The following ARHGEF18 variants were observed in gnomAD, a reference collection of about 807,000 sequenced individuals.
The protein encoded by ARHGEF18 is Rho/Rac guanine nucleotide exchange factor 18.
Under a neutral mutation model 155.7 loss-of-function variants are expected in ARHGEF18, and 93 were observed. That is an observed-to-expected ratio of 0.60 (90% CI 0.50 to 0.71). The LOEUF (loss-of-function observed/expected upper bound fraction) is 0.71. Among genes scored for constraint, ARHGEF18 ranks in the 30% least tolerant of loss-of-function variants. ARHGEF18 has a pLI of 0.00. For synonymous variants in ARHGEF18, 742 were observed against 753.1 expected, an observed-to-expected ratio of 0.99 and a Z score of 0.24; for missense variants, 1,593 against 1,816.1, an observed-to-expected ratio of 0.88 and a Z score of 2.23.
intron 10 of ARHGEF18, among the ~76,000 whole-genome samples, chr19:7,423,621 A>G (rs1973484574): frequency 6.6e-6 from 1 of 151,554 alleles, no homozygotes; most frequent in South Asian, 2.1e-4. Flanking sequence ...GAATCACTTG[A>G]ACCAACCCAG....
intron 10 of ARHGEF18, among the ~76,000 whole-genome samples, chr19:7,432,514 C>T (rs1230206964): frequency 2.6e-5 from 4 of 152,162 alleles, no homozygotes; most frequent in Non-Finnish European, 4.4e-5. Flanking sequence ...CTCACTACGT[C>T]GCCCAGGCTG....
chr19:7,391,502 A>G (rs1307033162), intron 10 of ARHGEF18, among the ~76,000 whole-genome samples: 6 of 151,440 alleles, frequency 4.0e-5, no homozygotes, highest in African/African-American at 1.5e-4. Flanking sequence ...GGTTCTCCGG[A>G]CTCCACGGCC....
At chr19:7,473,436 G>A, downstream of ARHGEF18, 1 of 383,284 alleles carries the variant, frequency 2.6e-6, no homozygotes, top group Non-Finnish European at 5.2e-6. Context: ...GGCGGGGGCT[G>A]AGGCAGGAGG....
At position 7,469,974 on chromosome 19, in the gene ARHGEF18, C is replaced by T; in HGVS notation, c.3858C>T (p.Asn1286=). Residue 1286 remains asparagine (N), a synonymous_variant, in exon 28 of 29, where the codon AAC becomes AAT. Coordinates refer to ENST00000668164, the MANE Select transcript of ARHGEF18 (RefSeq NM_001367823.1). ...GGAAAGATGAGAGCACCTCACGGAA[C>T]CGCCGCTCGCTGAGCCCTATCCTGC... ...LMGKDESTSR[N]RRSLSPILPG... 6.2e-7 allele frequency: 1 copy of T among 1,613,242 alleles called. No individual in the cohort carries two copies. Among genetic ancestry groups the T allele is most frequent in the Non-Finnish European group, 8.5e-7 (1 of 1,179,916 alleles).
chr19:7,459,814 C>T (rs1976082063), intron 19 of ARHGEF18, 89 bp from the exon 20 acceptor site: 7 of 1,080,226 alleles, frequency 6.5e-6, no homozygotes, highest in Admixed American at 2.5e-5. Flanking sequence ...CAGAGACGGT[C>T]GTGGCGGCTG....
chr19:7,439,367 T>C (rs1974482052), intron 10 of ARHGEF18, among the ~76,000 whole-genome samples: 1 of 151,508 alleles, frequency 6.6e-6, no homozygotes, highest in Admixed American at 6.6e-5. Flanking sequence ...GGCAGAAGGA[T>C]TGCTTGAACC....
At chr19:7,396,760 G>A (rs1044981422) in intron 10 of ARHGEF18, among the ~76,000 whole-genome samples, 5 of 150,938 alleles carry the variant, frequency 3.3e-5, no homozygotes, top group African/African-American at 9.7e-5. Flanking sequence ...GGTCAGATCC[G>A]AGCTGGGTTC....
chr19:7,369,444 A>G (rs1204330194), intron 2 of ARHGEF18, among the ~76,000 whole-genome samples: 7 of 150,112 alleles, frequency 4.7e-5, no homozygotes, highest in African/African-American at 1.5e-4. Context: ...CTAGGCAACA[A>G]GAGTGAAACT....
At position 7,371,859 on chromosome 19, in the gene ARHGEF18, G is replaced by A. The variant is rs528940337; in HGVS notation, c.16-953G>A. Among the ~76,000 whole-genome samples the A allele has an allele frequency of 3.3e-5, 5 of 152,024 alleles. No homozygotes were observed. In the South Asian group the frequency reaches 1.0e-3, roughly 32 times the overall value. On this transcript the variant is annotated intron_variant, in intron 2 of 28. Transcript: ENST00000668164. Reference sequence around the variant, plus strand: ...GTTACGATGATAAATGTTATGTGATGTGTATTTCACTGGAATAAAAAGAAG... The same window carrying A: ...GTTACGATGATAAATGTTATGTGATATGTATTTCACTGGAATAAAAAGAAG...
At position 7,394,812 on chromosome 19, in the gene ARHGEF18, G is replaced by A. The variant is rs767414112; in HGVS notation, c.967+11609G>A. 1.6e-4 allele frequency among the ~76,000 whole-genome samples: 24 copies of A among 151,164 alleles called. No individual in the cohort carries two copies. The Middle Eastern group carries it at 0.01, about 65-fold the overall frequency. ...CCTGCTGCTCTCCCTCTGGATCCCC[G>A]CAACCCAGCTGTCCCCTCAGAGCCC... On this transcript the variant is annotated intron_variant, in intron 10 of 28. Transcript: ENST00000668164.
downstream of ARHGEF18, among the ~76,000 whole-genome samples, chr19:7,475,638 C>T (rs75376139): frequency 0.3 from 44,969 of 152,052 alleles, 6,974 homozygotes; most frequent in African/African-American, 0.39. Flanking sequence ...TGTGCCTGGG[C>T]TCCACATGGT....
downstream of ARHGEF18, among the ~76,000 whole-genome samples, chr19:7,475,197 A>G (rs924832907): frequency 6.6e-6 from 1 of 152,088 alleles, no homozygotes; most frequent in East Asian, 1.9e-4. Flanking sequence ...GCGCCACCGC[A>G]CTCCAGCCTA....
chr19:7,432,883 G>A (rs1974041908), intron 10 of ARHGEF18, among the ~76,000 whole-genome samples: 1 of 152,236 alleles, frequency 6.6e-6, no homozygotes, highest in African/African-American at 2.4e-5. Flanking sequence ...ATCAGGTCCG[G>A]GTACACTGGC....
chr19:7,385,941 T>G (rs1392299198), intron 10 of ARHGEF18, among the ~76,000 whole-genome samples: 1 of 75,752 alleles, frequency 1.3e-5, no homozygotes, highest in Non-Finnish European at 2.4e-5. Context: ...TCTCTCCCCC[T>G]CTCCCTCTCT....
At chr19:7,403,968 G>A (rs906161301) in intron 10 of ARHGEF18, among the ~76,000 whole-genome samples, 1 of 130,888 alleles carries the variant, frequency 7.6e-6, no homozygotes, top group Non-Finnish European at 1.5e-5. Flanking sequence ...ATGAGGCTGA[G>A]GCAGGAGAAT....
chr19:7,351,825 G>A (rs959955732), intron 1 of ARHGEF18, among the ~76,000 whole-genome samples: 1 of 151,688 alleles, frequency 6.6e-6, no homozygotes, highest in Non-Finnish European at 1.5e-5. Context: ...CTCCTGAGTA[G>A]CTGGGATTAT....
downstream of ARHGEF18, among the ~76,000 whole-genome samples, chr19:7,475,803 G>A (rs1977216257): frequency 6.6e-6 from 1 of 152,236 alleles, no homozygotes; most frequent in African/African-American, 2.4e-5. Context: ...TGGGTCTCCA[G>A]GTAGACAATG....
intron 10 of ARHGEF18, among the ~76,000 whole-genome samples, chr19:7,385,636 C>A (rs1279704043): frequency 6.6e-6 from 1 of 151,436 alleles, no homozygotes; most frequent in Non-Finnish European, 1.5e-5. Context: ...CCACCACGCC[C>A]AGCTAATTTT....
chr19:7,427,145 A>C (rs1028910181), intron 10 of ARHGEF18, among the ~76,000 whole-genome samples: 2 of 152,146 alleles, frequency 1.3e-5, no homozygotes. Context: ...CCTGCCAGGA[A>C]AGGCGCACAC....
Sources: gnomAD v4.1 joint callset for allele counts (sites outside exome capture counted in the v4.1 genomes callset) on GRCh38, gnomAD v4.1.1 for gene constraint, MANE v1.5 for transcripts, NCBI Gene and HGNC (gene_info 2026-07-23, HGNC 2026-07-21) for gene names.